Variants in YTHDC1 observed in about 807,000 individuals in gnomAD.
YTHDC1 encodes YTH N6-methyladenosine RNA binding protein C1.
In YTHDC1, 12 loss-of-function variants were observed where a neutral mutation model predicts 107.0. That is an observed-to-expected ratio of 0.11 (90% CI 0.07 to 0.18). YTHDC1 has a LOEUF of 0.18. YTHDC1 is among the 10% of genes least tolerant of loss of function. YTHDC1 has a pLI of 1.00. For synonymous variants in YTHDC1, 280 were observed against 289.5 expected (o/e 0.97, Z 0.33); for missense variants, 635 against 898.8 (o/e 0.71, Z 3.75).
rs761928082 is a variant in YTHDC1, at chr4:68,310,949, A to G, written c.*3150T>C. 6.6e-6 allele frequency: 1 copy of G among 152,174 alleles called. No homozygotes were observed. The highest frequency in any genetic ancestry group is 1.5e-5 in the Non-Finnish European group (1 of 68,046). 9.4% of individuals were successfully genotyped at this position (152,174 alleles called of 1,614,324 possible). A position where few individuals can be genotyped will look rare whatever the true frequency, so the allele number is the denominator to read the frequency against. On this transcript the variant is annotated 3_prime_UTR_variant, in exon 17 of 17. Coordinates refer to ENST00000344157, the MANE Select transcript of YTHDC1 (RefSeq NM_001031732.4). ...CACCTGTGATGGCAAAATACTCTGAAAAGTCAAACATTCAGGTGTTATAAC... is the reference window on the plus strand; with the variant it reads ...CACCTGTGATGGCAAAATACTCTGAGAAGTCAAACATTCAGGTGTTATAAC...
chr4:68,339,109 C>T (rs571322106), intron 1 of YTHDC1, among the ~76,000 whole-genome samples: 6 of 152,240 alleles, frequency 3.9e-5, no homozygotes, highest in South Asian at 2.1e-4. Context: ...AAAGGGAAAA[C>T]GACTTTACAG....
intron 15 of YTHDC1, among the ~76,000 whole-genome samples, 168 bp from the exon 16 acceptor site, chr4:68,316,616 A>G (rs187885475): frequency 2.6e-5 from 4 of 152,336 alleles, no homozygotes; most frequent in Admixed American, 1.3e-4. Context: ...CGAAAATTAC[A>G]CATCTTCTAA....
At chr4:68,332,889 T>C (rs369418353) in intron 5 of YTHDC1, 42 bp from the exon 6 acceptor site, 233 of 1,558,200 alleles carry the variant, frequency 1.5e-4, no homozygotes, top group Middle Eastern at 1.7e-4. Flanking sequence ...TGAGCTTTAA[T>C]AGAGATAAGA....
chr4:68,324,312 G>A, intron 9 of YTHDC1, 89 bp from the exon 10 acceptor site: 1 of 1,181,544 alleles, frequency 8.5e-7, no homozygotes. Context: ...TGTATTAACT[G>A]TGACTTAAAT....
intron 16 of YTHDC1, among the ~76,000 whole-genome samples, chr4:68,315,574 C>T (rs1165495009): frequency 6.6e-5 from 10 of 151,668 alleles, no homozygotes; most frequent in Non-Finnish European, 1.3e-4. Flanking sequence ...ATTATGCTTC[C>T]AACACTTGCC....
chr4:68,319,754 GTATATGTA>G (rs1408044075), intron 12 of YTHDC1, among the ~76,000 whole-genome samples: 1 of 152,114 alleles, frequency 6.6e-6, no homozygotes, highest in Non-Finnish European at 1.5e-5. Context: ...AGCATTGTAT[GTATATGTA>G]TCACATGAAA....
At chr4:68,327,959 A>C (rs1723177124) in intron 9 of YTHDC1, among the ~76,000 whole-genome samples, 1 of 152,206 alleles carries the variant, frequency 6.6e-6, no homozygotes, top group African/African-American at 2.4e-5. Context: ...TTACTTTAAA[A>C]TAATAAAAGC....
At chr4:68,347,449 T>C (rs1017449853) in intron 1 of YTHDC1, among the ~76,000 whole-genome samples, 12 of 152,190 alleles carry the variant, frequency 7.9e-5, no homozygotes, top group East Asian at 1.9e-4. Flanking sequence ...TGTCCACTTA[T>C]ATGGGCTGCA....
chr4:68,334,446 C>CTAGA (rs35777400), intron 4 of YTHDC1, among the ~76,000 whole-genome samples: 10,019 of 151,308 alleles, frequency 0.066, 430 homozygotes, highest in Non-Finnish European at 0.099. Context: ...AGTTAGGCAA[C>CTAGA]TAGACTAGGG....
chr4:68,320,262 T>G lies in YTHDC1; in HGVS notation c.1602-57A>C, dbSNP rs917260039. ...CAAAAACTGCTGGGAGAACAAAGAG[T>G]AAAGCAAGAGTTTCTGACAGAGATA... On this transcript the variant is annotated intron_variant, in intron 11 of 16. Transcript: ENST00000344157. The G allele has an allele frequency of 5.3e-6, 7 of 1,314,162 alleles. No individual in the cohort carries two copies. The Admixed American group carries it at 1.3e-4, about 24-fold the overall frequency. The allele number at this position is 1,314,162 out of a possible 1,614,324, so 81.4% of individuals were successfully genotyped here.
intron 2 of YTHDC1, 143 bp from the exon 3 acceptor site, chr4:68,338,043 G>A (rs530963452): frequency 9.6e-6 from 14 of 1,456,828 alleles, no homozygotes; most frequent in South Asian, 1.5e-5. Flanking sequence ...TTCTTCTCCA[G>A]AGTTAATCTA....
chr4:68,317,798 A>G (rs1722023762), intron 15 of YTHDC1, among the ~76,000 whole-genome samples: 2 of 152,224 alleles, frequency 1.3e-5, no homozygotes, highest in South Asian at 2.1e-4. Flanking sequence ...CCATGATATA[A>G]TCAGAACAAG....
Position 68,322,458 on chromosome 4 carries a change from C to T in YTHDC1, c.1601+291G>A. 1 of 318,358 alleles carries T rather than the reference C, an allele frequency of 3.1e-6. No individual in the cohort carries two copies. The allele number at this position is 318,358 out of a possible 1,614,324, so 19.7% of individuals were successfully genotyped here. On this transcript the variant is annotated intron_variant, in intron 11 of 16. Coordinates refer to ENST00000344157, the MANE Select transcript of YTHDC1 (RefSeq NM_001031732.4). The surrounding 1 kb of genome is among the most constrained non-coding windows in gnomAD (Gnocchi z 4.8). ...CCTGTTCTTAGCAACAAATGCCTAC[C>T]TCATTTCAATTGTATACATTGTATT...
chr4:68,333,430 C>A, intron 4 of YTHDC1, 33 bp from the exon 5 acceptor site: 1 of 1,476,484 alleles, frequency 6.8e-7, no homozygotes. Flanking sequence ...TTTTAAATCA[C>A]AATACAGAAA....
chr4:68,342,530 A>G (rs1477678201), intron 1 of YTHDC1, among the ~76,000 whole-genome samples: 1 of 152,192 alleles, frequency 6.6e-6, no homozygotes, highest in Non-Finnish European at 1.5e-5. Context: ...TACATAATAC[A>G]TGACAGATGT....
chr4:68,325,915 G>C (rs1353412881), intron 9 of YTHDC1, among the ~76,000 whole-genome samples: 1 of 152,078 alleles, frequency 6.6e-6, no homozygotes, highest in East Asian at 1.9e-4. Flanking sequence ...TCAAGAGTGA[G>C]TCAAAAATAC....
chr4:68,326,039 T>G (rs1017852961), intron 9 of YTHDC1, among the ~76,000 whole-genome samples: 1 of 152,148 alleles, frequency 6.6e-6, no homozygotes, highest in Non-Finnish European at 1.5e-5. Context: ...TTCTGTTGAA[T>G]AATTTAAATT....
chr4:68,316,446 G>C lies in YTHDC1; in HGVS notation c.1827C>G (p.Pro609=), dbSNP rs1578015416. 6.2e-7 allele frequency: 1 copy of C among 1,610,906 alleles called. No individual in the cohort carries two copies. ...GAGGTTGTTCCATTCCTGGGTAAGG[G>C]GGCTAAAAAAGGAAAACCATTTACA... The part of the protein sequence containing the change: ...MGPPPPWQGM[P]PYPGMEQPPH... The change falls in exon 16 of 17, where the codon CCC becomes CCG. Residue 609 remains proline, a splice_region_variant and synonymous_variant. Coordinates refer to ENST00000344157, the MANE Select transcript of YTHDC1 (RefSeq NM_001031732.4).
chr4:68,330,369 AGTTAT>A, intron 7 of YTHDC1, 59 bp from the exon 8 acceptor site: 1 of 1,199,808 alleles, frequency 8.3e-7, no homozygotes. Context: ...TTGTGTTTCC[AGTTAT>A]GTTTGAAAAA....
Sources: allele counts gnomAD v4.1 joint callset (sites outside exome capture counted in the v4.1 genomes callset), GRCh38; gene constraint gnomAD v4.1.1; non-coding constraint Gnocchi (gnomAD v3.1); transcripts MANE v1.5; gene names NCBI Gene and HGNC (gene_info 2026-07-23, HGNC 2026-07-21).